Variants in NF1 observed in about 807,000 individuals in gnomAD.
NF1 encodes neurofibromin 1.
A neutral mutation model predicts 325.7 loss-of-function variants in NF1; 122 were observed. That is an observed-to-expected ratio of 0.37 (90% confidence interval 0.32 to 0.44). The LOEUF (loss-of-function observed/expected upper bound fraction) is 0.44, where lower values mean the gene tolerates loss of function less well. NF1 is among the 20% of genes least tolerant of loss of function. The pLI, the probability that NF1 is intolerant of heterozygous loss-of-function variation, is 1.00. For missense variants in NF1, 2,140 were observed against 3,415.4 expected, an observed-to-expected ratio of 0.63 and a Z score of 9.31; for synonymous variants, 1,091 against 1,186.0, an observed-to-expected ratio of 0.92 and a Z score of 1.65.
chr17:31,267,997 T>C (rs1299661583), intron 36 of NF1, among the ~76,000 whole-genome samples: 1 of 152,190 alleles, frequency 6.6e-6, no homozygotes, highest in Non-Finnish European at 1.5e-5. Context: ...AGGATAGTTT[T>C]TAGGAAAAGC....
chr17:31,204,672 A>G (rs752057118), intron 11 of NF1, among the ~76,000 whole-genome samples: 5 of 152,184 alleles, frequency 3.3e-5, no homozygotes, highest in South Asian at 2.1e-4. Flanking sequence ...TACGGTTTCA[A>G]AAGCTATTAA....
At chr17:31,131,733 A>G (rs749997050) in intron 1 of NF1, among the ~76,000 whole-genome samples, 30 of 152,192 alleles carry the variant, frequency 2.0e-4, no homozygotes, top group Non-Finnish European at 3.4e-4. Context: ...GGATGTTTGT[A>G]TCTATGAGTA....
chr17:31,257,138 CAG>C (rs2151460438), intron 31 of NF1, among the ~76,000 whole-genome samples: 1 of 152,014 alleles, frequency 6.6e-6, no homozygotes, highest in South Asian at 2.1e-4. Context: ...TAAATTATGA[CAG>C]GAAATATTTA....
At chr17:31,321,247 A>G (rs2069181511) in intron 36 of NF1, among the ~76,000 whole-genome samples, 1 of 152,230 alleles carries the variant, frequency 6.6e-6, no homozygotes, top group Admixed American at 6.5e-5. Context: ...AAACATTTCC[A>G]GTTTACTTGA....
chr17:31,201,196 A>C (rs781459409), intron 10 of NF1, 37 bp downstream of exon 10: 13 of 1,612,922 alleles, frequency 8.1e-6, no homozygotes, highest in Non-Finnish European at 8.5e-7. Context: ...ATATTTACTG[A>C]TGCTGTTATC....
At position 31,377,488 on chromosome 17, in the gene NF1, G is replaced by A. The variant is rs538445147; in HGVS notation, c.*3333G>A. On this transcript the variant is annotated 3_prime_UTR_variant, in exon 58 of 58. Transcript: ENST00000358273. Reference sequence around the variant, plus strand: ...TGGCAGTTCCTTTGTCTACAACCTTGTTAATACTGTAAACAGTTGTACGCC... The same window carrying A: ...TGGCAGTTCCTTTGTCTACAACCTTATTAATACTGTAAACAGTTGTACGCC... The A allele has an allele frequency of 4.3e-6, 1 of 232,870 alleles. No individual in the cohort carries two copies. The highest frequency in any genetic ancestry group is 8.5e-6 in the Non-Finnish European group (1 of 117,626). 14.4% of individuals were successfully genotyped at this position (232,870 alleles called of 1,614,324 possible).
intron 16 of NF1, 43 bp downstream of exon 16, chr17:31,223,610 A>G (rs2144018000): frequency 6.3e-7 from 1 of 1,583,466 alleles, no homozygotes; most frequent in Non-Finnish European, 8.7e-7. Flanking sequence ...AATATTTGGA[A>G]TGGTAATGGT....
intron 31 of NF1, chr17:31,254,297 A>C (rs1027852537): frequency 6.6e-6 from 1 of 150,968 alleles, no homozygotes; most frequent in Non-Finnish European, 1.5e-5. Context: ...AAAAAAGAAA[A>C]CGAAAAAGCT....
chr17:31,191,836 G>A (rs1304485636), intron 8 of NF1, among the ~76,000 whole-genome samples: 1 of 152,144 alleles, frequency 6.6e-6, no homozygotes, highest in Non-Finnish European at 1.5e-5. Flanking sequence ...GTATCTCATT[G>A]TAATTTTTAT....
intron 55 of NF1, 98 bp from the exon 56 acceptor site, chr17:31,358,871 A>T: frequency 8.7e-7 from 1 of 1,153,592 alleles, no homozygotes; most frequent in South Asian, 1.3e-5. Context: ...CAACATGTAC[A>T]TAGGGTTTAT....
chr17:31,235,874 A>C, intron 28 of NF1, 44 bp from the exon 29 acceptor site: 1 of 1,608,934 alleles, frequency 6.2e-7, no homozygotes, highest in Non-Finnish European at 8.5e-7. Context: ...AAGGTAAAAT[A>C]TATGGAGCAG....
intron 1 of NF1, among the ~76,000 whole-genome samples, chr17:31,144,027 A>G (rs928857515): frequency 6.6e-6 from 1 of 151,938 alleles, no homozygotes; most frequent in African/African-American, 2.4e-5. Context: ...GTTTCACCGT[A>G]TTAGTCAGGA....
intron 34 of NF1, among the ~76,000 whole-genome samples, chr17:31,261,504 A>T (rs919523063): frequency 6.6e-6 from 1 of 152,170 alleles, no homozygotes; most frequent in African/African-American, 2.4e-5. Context: ...AGGGTAAGCA[A>T]TTGGGAGATG....
rs786201652 is a variant in NF1, at chr17:31,201,087, A to G, written c.1113A>G (p.Ala371=). Residue 371 remains alanine (A), a synonymous_variant, in exon 10 of 58, where the codon GCA becomes GCG. Coordinates refer to ENST00000358273, the MANE Select transcript of NF1 (RefSeq NM_001042492.3). ...SKPFSRGSQP[A]DVDLMIDCLV... ...CATTCTCAAGAGGCAGTCAGCCTGC[A>G]GATGTGGATCTAATGATTGACTGCC... 5 of 1,614,106 alleles carry G rather than the reference A, an allele frequency of 3.1e-6. No homozygotes were observed. The highest frequency in any genetic ancestry group is 4.2e-6 in the Non-Finnish European group (5 of 1,180,004).
At chr17:31,164,503 C>T (rs1486268085) in intron 4 of NF1, among the ~76,000 whole-genome samples, 4 of 152,198 alleles carry the variant, frequency 2.6e-5, no homozygotes, top group African/African-American at 7.2e-5. Context: ...TTTAGTGATT[C>T]GTGAATCGAA....
chr17:31,219,350 C>T (rs761905935), intron 14 of NF1: 13 of 252,068 alleles, frequency 5.2e-5, no homozygotes, highest in East Asian at 2.2e-4. Context: ...TAAAATAGTT[C>T]GAGATTTTCT....
At position 31,181,680 on chromosome 17, in the gene NF1, CTG is replaced by C. The variant is rs1221513554; in HGVS notation, c.655-28_655-27del. 2.0e-6 allele frequency: 3 copies of C among 1,514,594 alleles called. No homozygotes were observed. The Admixed American group carries it at 5.0e-5, about 25-fold the overall frequency. 93.8% of individuals were successfully genotyped at this position (1,514,594 alleles called of 1,614,324 possible). A position where few individuals can be genotyped will look rare whatever the true frequency, so the allele number is the denominator to read the frequency against. On this transcript the variant is annotated intron_variant, in intron 6 of 57. Coordinates refer to ENST00000358273, the MANE Select transcript of NF1 (RefSeq NM_001042492.3). ...TTATTTACTGTATTACAAAAAATCA[CTG>C]TAAAGACATGTGGTTCTTTATTTAT...
At chr17:31,241,843 C>T (rs2067301670) in intron 29 of NF1, among the ~76,000 whole-genome samples, 1 of 151,996 alleles carries the variant, frequency 6.6e-6, no homozygotes. Context: ...GAATTTTGTA[C>T]CTTCAGATTT....
chr17:31,258,877 T>G (rs1317601547), intron 32 of NF1, among the ~76,000 whole-genome samples, 155 bp from the exon 33 acceptor site: 1 of 152,170 alleles, frequency 6.6e-6, no homozygotes, highest in Non-Finnish European at 1.5e-5. Flanking sequence ...TTAGAAACAC[T>G]ACCTAAAATA....
Sources: gnomAD v4.1 joint callset for allele counts (sites outside exome capture counted in the v4.1 genomes callset) on GRCh38, gnomAD v4.1.1 for gene constraint, MANE v1.5 for transcripts, NCBI Gene and HGNC (gene_info 2026-07-23, HGNC 2026-07-21) for gene names.